Variants in NCKAP1 observed in about 807,000 individuals in gnomAD.
NCKAP1 encodes nck-associated protein 1.
NCKAP1 carries 21 observed loss-of-function variants against 151.2 expected under a neutral mutation model. That is an observed-to-expected ratio of 0.14 (90% CI 0.10 to 0.20). NCKAP1 has a LOEUF of 0.20. Among genes scored for constraint, NCKAP1 ranks in the 10% least tolerant of loss-of-function variants. NCKAP1 has a pLI of 1.00. For synonymous variants in NCKAP1, 484 were observed against 451.8 expected (o/e 1.07, Z -0.90); for missense variants, 933 against 1,352.1 (o/e 0.69, Z 4.86).
intron 26 of NCKAP1, 152 bp from the exon 27 acceptor site, chr2:182,930,940 A>G (rs1242038952): frequency 1.6e-6 from 1 of 641,604 alleles, no homozygotes; most frequent in Non-Finnish European, 2.8e-6. Flanking sequence ...ATACTGAACA[A>G]CTGATTCAAT....
chr2:182,975,863 C>G (rs1056507317), intron 15 of NCKAP1, among the ~76,000 whole-genome samples: 1 of 152,088 alleles, frequency 6.6e-6, no homozygotes. Flanking sequence ...TATAACCATA[C>G]CACTGCACTC....
At chr2:182,978,205 C>A (rs930265840) in intron 14 of NCKAP1, among the ~76,000 whole-genome samples, 4 of 152,128 alleles carry the variant, frequency 2.6e-5, no homozygotes, top group Non-Finnish European at 5.9e-5. Flanking sequence ...ATTTATTACT[C>A]AGAAGTTTTC....
At position 182,953,254 on chromosome 2, in the gene NCKAP1, C is replaced by T. The variant is rs1389795387; in HGVS notation, c.2231G>A (p.Arg744Lys). 1.2e-6 allele frequency: 2 copies of T among 1,613,584 alleles called. No individual in the cohort carries two copies. Among genetic ancestry groups the T allele is most frequent in the Non-Finnish European group, 1.7e-6 (2 of 1,179,662 alleles). The part of the protein sequence containing the change: ...AKPSELLTSV[R>K]AYMTVLQSIE... ...TGACTGGAGTACGGTCATGTATGCTCTTACACTTGTTAGAAGTTCTGAAGG... is the reference window on the plus strand; with the variant it reads ...TGACTGGAGTACGGTCATGTATGCTTTTACACTTGTTAGAAGTTCTGAAGG... Residue 744 changes from arginine to lysine, a missense_variant, in exon 21 of 31, where the codon AGA (arginine) becomes AAA (lysine). Transcript: ENST00000361354.
intron 20 of NCKAP1, among the ~76,000 whole-genome samples, chr2:182,953,620 G>A (rs1220871260): frequency 6.6e-6 from 1 of 152,072 alleles, no homozygotes; most frequent in Non-Finnish European, 1.5e-5. Context: ...GGCCAACATG[G>A]TGAATCCTTG....
chr2:182,964,665 A>G lies in NCKAP1; in HGVS notation c.1761+11T>C. 6.3e-7 allele frequency: 1 copy of G among 1,581,718 alleles called. No individual in the cohort carries two copies. The highest frequency in any genetic ancestry group is 8.6e-7 in the Non-Finnish European group (1 of 1,165,526). ...CATACCATATAACTCACAGTAGTACACTATAATTACCTCTTCTGGACATAG... is the reference window on the plus strand; with the variant it reads ...CATACCATATAACTCACAGTAGTACGCTATAATTACCTCTTCTGGACATAG... On this transcript the variant is annotated intron_variant, in intron 17 of 30. Coordinates refer to ENST00000361354, the MANE Select transcript of NCKAP1 (RefSeq NM_013436.5).
At chr2:182,926,716 A>AG in intron 30 of NCKAP1, 100 bp downstream of exon 30, 1 of 753,238 alleles carries the variant, frequency 1.3e-6, no homozygotes, top group South Asian at 1.9e-5. Context: ...AGTGAACAAA[A>AG]GGGATCAAAA....
At chr2:182,977,804 T>C (rs1043229419) in intron 14 of NCKAP1, among the ~76,000 whole-genome samples, 5 of 152,216 alleles carry the variant, frequency 3.3e-5, no homozygotes, top group Non-Finnish European at 7.3e-5. Flanking sequence ...AATATGAATA[T>C]ACTTAACACT....
intron 8 of NCKAP1, among the ~76,000 whole-genome samples, 167 bp downstream of exon 8, chr2:182,994,671 CA>C (rs1322865681): frequency 6.6e-6 from 1 of 151,560 alleles, no homozygotes; most frequent in Non-Finnish European, 1.5e-5. Context: ...AAAAAACCCA[CA>C]AACAGGCTAT....
intron 9 of NCKAP1, among the ~76,000 whole-genome samples, chr2:182,988,169 T>C (rs1236351367): frequency 1.3e-5 from 2 of 152,084 alleles, no homozygotes; most frequent in African/African-American, 2.4e-5. Context: ...AATTTGCATT[T>C]CGGGGTAATT....
chr2:182,949,450 GT>G (rs1697170993), intron 23 of NCKAP1, among the ~76,000 whole-genome samples: 1 of 152,192 alleles, frequency 6.6e-6, no homozygotes. Flanking sequence ...TTTTAAAGAT[GT>G]AAAGGAGTTA....
intron 1 of NCKAP1, among the ~76,000 whole-genome samples, chr2:183,035,361 G>A (rs1699082840): frequency 6.6e-6 from 1 of 150,754 alleles, no homozygotes. Context: ...ACAATAATAA[G>A]TTATTTTACT....
chr2:182,942,295 TA>T (rs918597018), intron 23 of NCKAP1, 132 bp from the exon 24 acceptor site: 13 of 557,280 alleles, frequency 2.3e-5, no homozygotes, highest in African/African-American at 1.3e-4. Flanking sequence ...ATGCTACATA[TA>T]TTTTTTTGTT....
intron 1 of NCKAP1, among the ~76,000 whole-genome samples, chr2:183,037,245 T>A (rs1385609413): frequency 6.6e-6 from 1 of 152,192 alleles, no homozygotes; most frequent in Non-Finnish European, 1.5e-5. Flanking sequence ...CGGTTTTTAT[T>A]TTGTACAGAC....
chr2:182,949,737 G>A (rs570450402), intron 23 of NCKAP1, among the ~76,000 whole-genome samples: 1 of 152,362 alleles, frequency 6.6e-6, no homozygotes, highest in African/African-American at 2.4e-5. Flanking sequence ...CAAGCTGGCA[G>A]TGAGTCATGA....
At chr2:183,006,622 T>C (rs1272916689) in intron 2 of NCKAP1, among the ~76,000 whole-genome samples, 1 of 152,148 alleles carries the variant, frequency 6.6e-6, no homozygotes, top group Non-Finnish European at 1.5e-5. Flanking sequence ...AGAACAAAAG[T>C]GTCTACAACT....
intron 15 of NCKAP1, among the ~76,000 whole-genome samples, chr2:182,976,298 CTCTAAG>C (rs1278976611): frequency 1.3e-5 from 2 of 152,274 alleles, no homozygotes; most frequent in East Asian, 1.9e-4. Flanking sequence ...TAAATGAACA[CTCTAAG>C]TCTAATAATA....
intron 6 of NCKAP1, among the ~76,000 whole-genome samples, 189 bp downstream of exon 6, chr2:183,001,764 G>C (rs1281454023): frequency 6.6e-6 from 1 of 152,000 alleles, no homozygotes; most frequent in African/African-American, 2.4e-5. Context: ...ATATATTCTT[G>C]AGTCTCTATA....
At chr2:182,940,321 T>C (rs1696969827) in intron 24 of NCKAP1, among the ~76,000 whole-genome samples, 2 of 136,258 alleles carry the variant, frequency 1.5e-5, no homozygotes, top group African/African-American at 5.0e-5. Context: ...AGGAGAGTTT[T>C]AAAAACTAAT....
rs1447375476 is a variant in NCKAP1, at chr2:182,922,666, A to G, written c.*3036T>C. 1 of 152,330 alleles carries G rather than the reference A, an allele frequency of 6.6e-6. No individual in the cohort carries two copies. Among genetic ancestry groups the G allele is most frequent in the Non-Finnish European group, 1.5e-5 (1 of 68,130 alleles). The allele number at this position is 152,330 out of a possible 1,614,324, so 9.4% of individuals were successfully genotyped here. A position where few individuals can be genotyped will look rare whatever the true frequency, so the allele number is the denominator to read the frequency against. On this transcript the variant is annotated 3_prime_UTR_variant, in exon 31 of 31. Transcript: ENST00000361354. ...TTCTTCTAACACTTTCTTCTAAAGTAGTTTCACCACTGCCTCCCCACATTA... is the reference window on the plus strand; with the variant it reads ...TTCTTCTAACACTTTCTTCTAAAGTGGTTTCACCACTGCCTCCCCACATTA...
Sources: gnomAD v4.1 joint callset for allele counts (sites outside exome capture counted in the v4.1 genomes callset) on GRCh38, gnomAD v4.1.1 for gene constraint, MANE v1.5 for transcripts, NCBI Gene and HGNC (gene_info 2026-07-23, HGNC 2026-07-21) for gene names.